The following GABBR2 variants were observed in gnomAD, a reference collection of about 807,000 sequenced individuals.
GABBR2 encodes gamma-aminobutyric acid type B receptor subunit 2, also known as G-protein coupled receptor 51.
GABBR2 carries 23 observed loss-of-function variants against 105.6 expected under a neutral mutation model. The observed-to-expected ratio is 0.22, with a 90% CI of 0.16 to 0.31. The LOEUF is 0.31. Ranked by LOEUF, GABBR2 falls within the 10% of genes least tolerant of loss-of-function variation. GABBR2 has a pLI of 1.00. For missense variants in GABBR2, 734 were observed against 1,245.5 expected (o/e 0.59, Z 6.18); for synonymous variants, 478 against 499.7 (o/e 0.96, Z 0.58).
At chr9:98,408,545 G>A (rs965133393) in intron 7 of GABBR2, among the ~76,000 whole-genome samples, 8 of 152,182 alleles carry the variant, frequency 5.3e-5, no homozygotes, top group Non-Finnish European at 1.0e-4. Flanking sequence ...CCAGTAAGGT[G>A]GTTCTCAAGA....
chr9:98,667,812 T>C lies in GABBR2; in HGVS notation c.321+40605A>G, dbSNP rs184093038. On this transcript the variant is annotated intron_variant, in intron 1 of 18. Transcript: ENST00000259455. The stretch of plus-strand genomic sequence containing the variant: ...AAATATCTGCCTTGGTTATTGTTTA[T>C]AGATATAGTGGATACTGTGGGGCTC... Among the ~76,000 whole-genome samples, 500 of 152,320 alleles carry C rather than the reference T, an allele frequency of 3.3e-3. 2 individuals carry two copies. The highest frequency in any genetic ancestry group is 0.012 in the African/African-American group (479 of 41,572).
At chr9:98,491,767 G>A (rs75252212) in intron 4 of GABBR2, among the ~76,000 whole-genome samples, 6,638 of 152,146 alleles carry the variant, frequency 0.044, 237 homozygotes, top group East Asian at 0.14. Context: ...GCCTATTGCC[G>A]TATCTATTTT....
rs1253123085 is a variant in GABBR2, at chr9:98,701,980, G to A, written c.321+6437C>T. On this transcript the variant is annotated intron_variant, in intron 1 of 18. Transcript: ENST00000259455. The stretch of plus-strand genomic sequence containing the variant: ...ATTTCCTGAGCACTCGCAGTGTGCC[G>A]ATCATTGATTGGATTATGTCACCTG... Among the ~76,000 whole-genome samples, 3 of 152,132 alleles carry A rather than the reference G, an allele frequency of 2.0e-5. No individual in the cohort carries two copies. The South Asian group carries it at 6.2e-4, about 32-fold the overall frequency.
chr9:98,571,099 G>A (rs1481726439), intron 2 of GABBR2, among the ~76,000 whole-genome samples: 1 of 152,242 alleles, frequency 6.6e-6, no homozygotes, highest in Non-Finnish European at 1.5e-5. Context: ...TGGGAGGGAT[G>A]TGCAGGTCAG....
At chr9:98,658,108 G>A (rs1830206435) in intron 1 of GABBR2, among the ~76,000 whole-genome samples, 1 of 152,168 alleles carries the variant, frequency 6.6e-6, no homozygotes, top group Non-Finnish European at 1.5e-5. Flanking sequence ...TCATTTTTCA[G>A]ACAAGAAACG....
chr9:98,328,141 C>G (rs1830956637), intron 13 of GABBR2, among the ~76,000 whole-genome samples: 1 of 151,754 alleles, frequency 6.6e-6, no homozygotes, highest in Non-Finnish European at 1.5e-5. Context: ...CAAGGCCACC[C>G]TCCAGCCTCA....
At chr9:98,648,455 CCCAACGG>C (rs1830060975) in intron 1 of GABBR2, among the ~76,000 whole-genome samples, 1 of 152,136 alleles carries the variant, frequency 6.6e-6, no homozygotes, top group Non-Finnish European at 1.5e-5. Context: ...ACTTCTACCA[CCCAACGG>C]CATTTAAAGA....
At position 98,645,061 on chromosome 9, in the gene GABBR2, A is replaced by G. The variant is rs182313314; in HGVS notation, c.321+63356T>C. 2.6e-5 allele frequency among the ~76,000 whole-genome samples: 4 copies of G among 152,268 alleles called. No homozygotes were observed. The East Asian group carries it at 5.8e-4, about 22-fold the overall frequency. On this transcript the variant is annotated intron_variant, in intron 1 of 18. Coordinates refer to ENST00000259455, the MANE Select transcript of GABBR2 (RefSeq NM_005458.8). ...GTGAGGCACACGCTGACAAGACTCC[A>G]TTCATTCTGGACAGCTTTCCTGAGC...
chr9:98,500,956 A>G (rs149812231), intron 3 of GABBR2, among the ~76,000 whole-genome samples: 1 of 152,344 alleles, frequency 6.6e-6, no homozygotes, highest in East Asian at 1.9e-4. Context: ...ATTCTGATAC[A>G]TGTTTAGAGA....
At chr9:98,558,612 C>T (rs188261020) in intron 2 of GABBR2, among the ~76,000 whole-genome samples, 1 of 152,318 alleles carries the variant, frequency 6.6e-6, no homozygotes, top group East Asian at 1.9e-4. Flanking sequence ...TAAACAGAAT[C>T]CTTCCAGTGC....
intron 1 of GABBR2, among the ~76,000 whole-genome samples, chr9:98,591,596 A>G (rs976950083): frequency 1.3e-5 from 2 of 152,158 alleles, no homozygotes; most frequent in Non-Finnish European, 2.9e-5. Flanking sequence ...TGGCTTGGCA[A>G]GCAACTTGGC....
chr9:98,518,627 C>T (rs964613599), intron 3 of GABBR2, among the ~76,000 whole-genome samples: 1 of 152,216 alleles, frequency 6.6e-6, no homozygotes, highest in African/African-American at 2.4e-5. Flanking sequence ...TCTGGAGTAA[C>T]TGGGACGATC....
intron 10 of GABBR2, 137 bp from the exon 11 acceptor site, chr9:98,385,909 G>A (rs1832064016): frequency 1.5e-6 from 1 of 654,416 alleles, no homozygotes; most frequent in Non-Finnish European, 2.6e-6. Context: ...AATACGCCAT[G>A]GGGCCTCAGG....
In GABBR2 at chr9:98,496,668, G is replaced by A. The variant is rs190621959; in HGVS notation, c.631-154C>T. On this transcript the variant is annotated intron_variant, in intron 3 of 18. Transcript: ENST00000259455. ...TTTGTTTTACATTATTAACTAGACC[G>A]CCCCACAAAAACTTGAGGATCCCCC... Among the ~76,000 whole-genome samples the A allele has an allele frequency of 1.5e-4, 23 of 152,160 alleles. No individual in the cohort carries two copies. In the East Asian group the frequency reaches 1.9e-3, roughly 13 times the overall value.
intron 7 of GABBR2, among the ~76,000 whole-genome samples, chr9:98,420,414 G>A (rs948394253): frequency 3.3e-5 from 5 of 152,222 alleles, no homozygotes; most frequent in African/African-American, 1.2e-4. Context: ...AGGAGCAAAG[G>A]CATGTGCAGG....
chr9:98,647,819 T>A (rs1830045040), intron 1 of GABBR2, among the ~76,000 whole-genome samples: 2 of 152,210 alleles, frequency 1.3e-5, no homozygotes, highest in Admixed American at 1.3e-4. Flanking sequence ...ATATTTGACC[T>A]CATTACCTCG....
At chr9:98,525,289 A>G (rs907322909) in intron 3 of GABBR2, among the ~76,000 whole-genome samples, 26 of 152,238 alleles carry the variant, frequency 1.7e-4, no homozygotes, top group African/African-American at 6.0e-4. Flanking sequence ...ATATATAAAG[A>G]ATGCTTACAA....
chr9:98,427,884 G>A (rs1386912405), intron 7 of GABBR2, among the ~76,000 whole-genome samples: 2 of 152,190 alleles, frequency 1.3e-5, no homozygotes, highest in Non-Finnish European at 2.9e-5. Flanking sequence ...CCATTTGTGG[G>A]AGACATCTTG....
intron 6 of GABBR2, among the ~76,000 whole-genome samples, chr9:98,464,238 GC>G (rs1427235170): frequency 6.6e-6 from 1 of 151,234 alleles, no homozygotes; most frequent in Non-Finnish European, 1.5e-5. Context: ...GAGCGCCTCT[GC>G]CTGGCCGCCC....
Sources: allele counts gnomAD v4.1 joint callset (sites outside exome capture counted in the v4.1 genomes callset), GRCh38; gene constraint gnomAD v4.1.1; transcripts MANE v1.5; gene names NCBI Gene and HGNC (gene_info 2026-07-23, HGNC 2026-07-21).